Variants in TUT1 observed in about 807,000 individuals in gnomAD.
TUT1 encodes the protein terminal uridylyl transferase 1, U6 snRNA-specific.
Under a neutral mutation model 48.8 loss-of-function variants are expected in TUT1, and 26 were observed. The observed-to-expected ratio is 0.53, with a 90% confidence interval of 0.39 to 0.74. The LOEUF is 0.74. Ranked by LOEUF, TUT1 falls within the 30% of genes least tolerant of loss-of-function variation. The pLI is 0.00. For missense variants in TUT1, 1,065 were observed against 1,114.8 expected (o/e 0.96, Z 0.64); for synonymous variants, 470 against 460.8 (o/e 1.02, Z -0.26).
chr11:62,582,654 C>A, intron 2 of TUT1: 1 of 447,100 alleles, frequency 2.2e-6, no homozygotes, highest in Non-Finnish European at 4.5e-6. Context: ...ACATTTTACT[C>A]TCACCCCAGT....
chr11:62,589,048 C>T lies in TUT1; in HGVS notation c.256G>A (p.Val86Ile). The change falls in exon 2 of 9, where the codon GTC becomes ATC. Residue 86 changes from valine (V) to isoleucine (I), a missense_variant. Coordinates refer to ENST00000476907, the MANE Select transcript of TUT1 (RefSeq NM_022830.3). ...CACTTTACCTTGTCCTTGTCCATGA[C>T]AACACTGGCCACAGGTCCAAATGCT... is the stretch of plus-strand genomic sequence containing the variant. ...FLAFGPVASV[V>I]MDKDKGVFAI... The T allele has an allele frequency of 6.2e-7, 1 of 1,613,850 alleles. No homozygotes were observed. The highest frequency in any genetic ancestry group is 1.1e-5 in the South Asian group (1 of 91,078).
Position 62,577,009 on chromosome 11 carries a change from G to C in TUT1, c.1279C>G (p.Pro427Ala). 6.2e-7 allele frequency: 1 copy of C among 1,613,880 alleles called. No individual in the cohort carries two copies. The highest frequency in any genetic ancestry group is 1.1e-5 in the South Asian group (1 of 91,062). ...AQGRGLSGSG[P>A]LLSNYALTLL... is the part of the protein sequence containing the mutation. ...GTCAGGGCGTAGTTACTGAGAAGGG[G>C]GCCACTCCCTGGGTAAATAAGCAAT... Residue 427 changes from proline to alanine, a missense_variant, in exon 7 of 9, where the codon CCC (proline) becomes GCC (alanine). By Grantham distance (27) the Pro-to-Ala change is conservative. Transcript: ENST00000476907.
rs1298054333 is a variant in TUT1, at chr11:62,578,977, TG to T, written c.743del (p.Pro248HisfsTer65). The T allele has an allele frequency of 6.6e-7, 1 of 1,523,722 alleles. No individual in the cohort carries two copies. Among genetic ancestry groups the T allele is most frequent in the South Asian group, 1.3e-5 (1 of 75,746 alleles). The allele number at this position is 1,523,722 out of a possible 1,614,324, so 94.4% of individuals were successfully genotyped here. A position where few individuals can be genotyped will look rare whatever the true frequency, so the allele number is the denominator to read the frequency against. ...SPSLDSALAS[P>X]LDPQALACTP... ...TGCAGGCCAGGGCTTGAGGGTCCAG[TG>T]GGGAAGCCAGGGCCGAGTCCAGCGA... On this transcript the variant is annotated frameshift_variant, in exon 5 of 9. Transcript: ENST00000476907. LOFTEE classifies it high-confidence loss of function.
chr11:62,591,513 C>T lies in TUT1; in HGVS notation c.-28G>A, dbSNP rs1313626749. 1 of 1,613,936 alleles carries T rather than the reference C, an allele frequency of 6.2e-7. No individual in the cohort carries two copies. Among genetic ancestry groups the T allele is most frequent in the South Asian group, 1.1e-5 (1 of 91,008 alleles). ...CGACTCTCCTGTACCGACAAAAACACAAGCACCTCTGCCACCACCGGAACC... is the reference window on the plus strand; with the variant it reads ...CGACTCTCCTGTACCGACAAAAACATAAGCACCTCTGCCACCACCGGAACC... On this transcript the variant is annotated 5_prime_UTR_variant, in exon 1 of 9. It adds an upstream start codon to the 5' untranslated region. Transcript: ENST00000476907.
chr11:62,577,139 C>G (rs745629576), intron 6 of TUT1, 43 bp downstream of exon 6: 3 of 1,600,816 alleles, frequency 1.9e-6, no homozygotes, highest in Non-Finnish European at 2.6e-6. Flanking sequence ...TGCCTTTGTC[C>G]TGAGACCAAC....
intron 2 of TUT1, among the ~76,000 whole-genome samples, chr11:62,586,491 T>A (rs959619052): frequency 1.3e-5 from 2 of 152,180 alleles, no homozygotes; most frequent in Non-Finnish European, 2.9e-5. Context: ...AAAATGTTAA[T>A]CATTAGGCGG....
At chr11:62,587,820 G>A (rs1247229641) in intron 2 of TUT1, among the ~76,000 whole-genome samples, 1 of 152,148 alleles carries the variant, frequency 6.6e-6, no homozygotes, top group African/African-American at 2.4e-5. Context: ...TATGACCAAG[G>A]AACACAGCAC....
At position 62,576,337 on chromosome 11, in the gene TUT1, T is replaced by C. The variant is rs1941727514; in HGVS notation, c.1475-93A>G. The C allele has an allele frequency of 6.6e-5, 93 of 1,413,068 alleles. 1 individual carries two copies. In the South Asian group the frequency reaches 1.4e-3, roughly 21 times the overall value. 87.5% of individuals were successfully genotyped at this position (1,413,068 alleles called of 1,614,324 possible). A position where few individuals can be genotyped will look rare whatever the true frequency, so the allele number is the denominator to read the frequency against. Reference sequence around the variant, plus strand: ...CAGAGCCATTTCCTTAGCAGGACTTTTTCCCTTCCAAGGGGCTCAGCAGAG... The same window carrying C: ...CAGAGCCATTTCCTTAGCAGGACTTCTTCCCTTCCAAGGGGCTCAGCAGAG... On this transcript the variant is annotated intron_variant, in intron 8 of 8. Coordinates refer to ENST00000476907, the MANE Select transcript of TUT1 (RefSeq NM_022830.3).
rs1207301322 is a variant in TUT1, at chr11:62,581,158, T to C, written c.638A>G (p.His213Arg). The change falls in exon 4 of 9, where the codon CAT becomes CGT. Residue 213 changes from histidine (H) to arginine (R), a missense_variant. Coordinates refer to ENST00000476907, the MANE Select transcript of TUT1 (RefSeq NM_022830.3). The part of the protein sequence containing the change: ...FGSSINSFDV[H>R]GCDLDLFLDL... ...CAAGAAGAGGTCAAGATCACAGCCATGGACATCGAAGCTATTTATGGAAGA... is the reference window on the plus strand; with the variant it reads ...CAAGAAGAGGTCAAGATCACAGCCACGGACATCGAAGCTATTTATGGAAGA... 6.2e-6 allele frequency: 10 copies of C among 1,614,072 alleles called. No homozygotes were observed. Among genetic ancestry groups the C allele is most frequent in the East Asian group, 2.2e-5 (1 of 44,876 alleles).
chr11:62,590,527 C>T (rs1328251208), intron 1 of TUT1, among the ~76,000 whole-genome samples: 2 of 151,814 alleles, frequency 1.3e-5, no homozygotes, highest in Non-Finnish European at 2.9e-5. Context: ...GTCCCGGCTA[C>T]ACGGGAGGCT....
At chr11:62,586,394 A>G (rs2134313832) in intron 2 of TUT1, among the ~76,000 whole-genome samples, 1 of 152,360 alleles carries the variant, frequency 6.6e-6, no homozygotes, top group Non-Finnish European at 1.5e-5. Flanking sequence ...CCTACTGACC[A>G]TTTCCCTTAA....
Position 62,578,569 on chromosome 11 carries a change from G to A in TUT1, c.1152C>T (p.Leu384=), listed in dbSNP as rs377381153. ...AAAAAAAAGAAAGGTACCGGTTACT[G>A]AGGGAGACATCACCGTGGAGACCTG... The part of the protein sequence containing the change: ...RPSGLHGDVS[L]SNRLALHNSR... Residue 384 remains leucine, a synonymous_variant, in exon 5 of 9, where the codon CTC becomes CTT. Coordinates refer to ENST00000476907, the MANE Select transcript of TUT1 (RefSeq NM_022830.3). 6.3e-6 allele frequency: 10 copies of A among 1,598,758 alleles called. No homozygotes were observed. The African/African-American group carries it at 1.1e-4, about 17-fold the overall frequency.
At chr11:62,582,148 A>G (rs1226844097) in intron 2 of TUT1, among the ~76,000 whole-genome samples, 1 of 152,022 alleles carries the variant, frequency 6.6e-6, no homozygotes, top group African/African-American at 2.4e-5. Context: ...ATGCCCAGCT[A>G]ATTTTTGTAT....
rs779763739 is a variant in TUT1, at chr11:62,576,014, C to T, written c.1705G>A (p.Ala569Thr). ...VAGRLQNCCR[A>T]AANYCRSLQY... is the part of the protein sequence containing the mutation. Reference sequence around the variant, plus strand: ...AGGCTTCGGCAGTAATTGGCTGCTGCTCGGCAGCAGTTCTGTAGGCGCCCA... The same window carrying T: ...AGGCTTCGGCAGTAATTGGCTGCTGTTCGGCAGCAGTTCTGTAGGCGCCCA... The change falls in exon 9 of 9, where the codon GCA becomes ACA. Residue 569 changes from alanine to threonine, a missense_variant. Physicochemically the swap from Ala to Thr is moderately conservative, Grantham distance 58. Transcript: ENST00000476907. The T allele has an allele frequency of 6.2e-7, 1 of 1,613,786 alleles. No individual in the cohort carries two copies. The highest frequency in any genetic ancestry group is 1.7e-5 in the Admixed American group (1 of 60,028).
At chr11:62,591,270 G>A (rs1349971604) in intron 1 of TUT1, 134 bp downstream of exon 1, 1 of 1,388,106 alleles carries the variant, frequency 7.2e-7, no homozygotes, top group East Asian at 2.7e-5. Flanking sequence ...CGGACTTGCA[G>A]AGAAAAACGG....
At chr11:62,579,869 T>C (rs1300138866) in intron 4 of TUT1, among the ~76,000 whole-genome samples, 2 of 150,722 alleles carry the variant, frequency 1.3e-5, no homozygotes, top group Non-Finnish European at 2.9e-5. Context: ...TTTCACCATG[T>C]TGGCCAGGCT....
In TUT1 at chr11:62,575,220, C is replaced by T. The variant is rs146742342; in HGVS notation, c.2499G>A (p.Val833=). Reference sequence around the variant, plus strand: ...TTCGGTCAGCCGGGGAGACAGACGCCACAAAGCTCAGCAGGGGCTCAGTTT... The same window carrying T: ...TTCGGTCAGCCGGGGAGACAGACGCTACAAAGCTCAGCAGGGGCTCAGTTT... ...RPETEPLLSF[V]ASVSPADRML... Residue 833 remains valine, a synonymous_variant, in exon 9 of 9, where the codon GTG becomes GTA. Transcript: ENST00000476907. The T allele has an allele frequency of 2.5e-5, 40 of 1,613,894 alleles. No homozygotes were observed. The African/African-American group carries it at 5.1e-4, about 20-fold the overall frequency.
In TUT1 at chr11:62,576,046, C is replaced by T. The variant is rs777656024; in HGVS notation, c.1673G>A (p.Arg558Gln). 1.8e-5 allele frequency: 29 copies of T among 1,613,722 alleles called. No homozygotes were observed. Among genetic ancestry groups the T allele is most frequent in the East Asian group, 8.9e-5 (4 of 44,888 alleles). ...GCAGTTCTGTAGGCGCCCAGCCACC[C>T]GGCTGGTCACATTGGCTGCGACATT... ...SHNVAANVTS[R>Q]VAGRLQNCCR... The change falls in exon 9 of 9, where the codon CGG becomes CAG. Residue 558 changes from arginine (R) to glutamine (Q), a missense_variant. Arg to Gln is a conservative substitution (Grantham distance 43, BLOSUM62 1). Transcript: ENST00000476907.
At chr11:62,587,092 C>CTAA (rs1941929903) in intron 2 of TUT1, among the ~76,000 whole-genome samples, 1 of 108,324 alleles carries the variant, frequency 9.2e-6, no homozygotes, top group Non-Finnish European at 1.8e-5. Flanking sequence ...AACTCCCTCT[C>CTAA]AAAAAAAAAA....
Sources: allele counts gnomAD v4.1 joint callset (sites outside exome capture counted in the v4.1 genomes callset), GRCh38; gene constraint gnomAD v4.1.1; transcripts MANE v1.5; gene names NCBI Gene and HGNC (gene_info 2026-07-23, HGNC 2026-07-21).